VAC14: variants seen among roughly 807,000 people sequenced by gnomAD.
VAC14 encodes protein VAC14 homolog.
VAC14 carries 47 observed loss-of-function variants against 85.3 expected under a neutral mutation model. That is an observed-to-expected ratio of 0.55 (90% CI 0.44 to 0.70). The LOEUF (loss-of-function observed/expected upper bound fraction) is 0.70. Ranked by LOEUF, VAC14 falls within the 30% of genes least tolerant of loss-of-function variation. The pLI is 0.00. For synonymous variants in VAC14, 447 were observed against 430.5 expected (o/e 1.04, Z -0.47); for missense variants, 861 against 1,004.3 (o/e 0.86, Z 1.93).
chr16:70,788,881 CA>C (rs978354472), intron 1 of VAC14, among the ~76,000 whole-genome samples: 2 of 152,248 alleles, frequency 1.3e-5, no homozygotes, highest in African/African-American at 4.8e-5. Context: ...AGGGTGCCCA[CA>C]AATCTGGAAC....
intron 12 of VAC14, chr16:70,755,232 G>C (rs373973204): frequency 5.8e-6 from 2 of 344,056 alleles, no homozygotes; most frequent in Non-Finnish European, 1.2e-5. Context: ...GCCCTGGAGG[G>C]GGGCTAGGGG....
chr16:70,690,690 G>C, intron 18 of VAC14: 1 of 985,744 alleles, frequency 1.0e-6, no homozygotes. Flanking sequence ...CTGTCTGCCA[G>C]CTGTCTGCCC....
At chr16:70,757,268 G>A (rs1420273093) in intron 12 of VAC14, among the ~76,000 whole-genome samples, 1 of 152,214 alleles carries the variant, frequency 6.6e-6, no homozygotes, top group African/African-American at 2.4e-5. Context: ...TTGTGGCTGT[G>A]GAGGCTCCAA....
At chr16:70,696,672 G>A (rs913485380) in intron 16 of VAC14, among the ~76,000 whole-genome samples, 1 of 152,084 alleles carries the variant, frequency 6.6e-6, no homozygotes, top group African/African-American at 2.4e-5. Flanking sequence ...GAAGGCCCAC[G>A]CCTGGGCTGA....
rs190527371 is a variant in VAC14, at chr16:70,791,806, G to A, written c.105-5441C>T. The stretch of plus-strand genomic sequence containing the variant: ...TAGGTGGGGAAACACTTGTCAAGAC[G>A]GGCAGGGGTGACAGGCAGCTTGAGC... On this transcript the variant is annotated intron_variant, in intron 1 of 18. Coordinates refer to ENST00000261776, the MANE Select transcript of VAC14 (RefSeq NM_018052.5). Among the ~76,000 whole-genome samples, 456 of 152,326 alleles carry A rather than the reference G, an allele frequency of 3.0e-3. 3 individuals carry two copies. Among genetic ancestry groups the A allele is most frequent in the Middle Eastern group, 0.014 (4 of 294 alleles).
chr16:70,761,865 G>A (rs986886967), intron 12 of VAC14, among the ~76,000 whole-genome samples: 1 of 152,214 alleles, frequency 6.6e-6, no homozygotes, highest in Non-Finnish European at 1.5e-5. Context: ...CAGGGGCCCG[G>A]CCCAGTGCTT....
intron 12 of VAC14, among the ~76,000 whole-genome samples, chr16:70,749,685 G>C (rs16970481): frequency 0.069 from 10,463 of 152,304 alleles, 1,176 homozygotes; most frequent in African/African-American, 0.23. Flanking sequence ...CACCAAGATG[G>C]AGGGCAAGGA....
At chr16:70,694,934 C>T (rs928828400) in intron 17 of VAC14, among the ~76,000 whole-genome samples, 6 of 152,154 alleles carry the variant, frequency 3.9e-5, no homozygotes, top group African/African-American at 1.4e-4. Context: ...GCAGCAGACC[C>T]GGAGGGGTGG....
At position 70,767,237 on chromosome 16, in the gene VAC14, T is replaced by C. The variant is rs189474783; in HGVS notation, c.1161-4212A>G. ...TGAATAATGCTTCTGATATTACCAA[T>C]AAATAATAATAAGTTCCAGTTGTTC... On this transcript the variant is annotated intron_variant, in intron 10 of 18. Transcript: ENST00000261776. Among the ~76,000 whole-genome samples, 4 of 152,352 alleles carry C rather than the reference T, an allele frequency of 2.6e-5. No individual in the cohort carries two copies. In the East Asian group the frequency reaches 7.7e-4, roughly 29 times the overall value.
intron 13 of VAC14, among the ~76,000 whole-genome samples, chr16:70,733,604 A>T (rs900624995): frequency 2.8e-4 from 42 of 152,004 alleles, no homozygotes; most frequent in African/African-American, 9.4e-4. Flanking sequence ...AGTTCTGCTG[A>T]GATCTGGCTG....
intron 1 of VAC14, among the ~76,000 whole-genome samples, chr16:70,787,642 G>A (rs1317953347): frequency 6.6e-6 from 1 of 152,232 alleles, no homozygotes; most frequent in Non-Finnish European, 1.5e-5. Flanking sequence ...ATGGAGGAGA[G>A]GCAGCTGGGG....
intron 18 of VAC14, chr16:70,688,585 G>C (rs559459146): frequency 5.4e-5 from 53 of 985,706 alleles, no homozygotes; most frequent in Non-Finnish European, 2.8e-5. Flanking sequence ...TTGTTTTTGA[G>C]TGTTGGGGCC....
chr16:70,692,779 C>G (rs1191692681), intron 18 of VAC14, 42 bp downstream of exon 18: 1 of 1,574,680 alleles, frequency 6.4e-7, no homozygotes. Context: ...GGGCCTGTCC[C>G]TGCTCAGGGG....
At chr16:70,727,096 A>G (rs2054451072) in intron 14 of VAC14, among the ~76,000 whole-genome samples, 1 of 152,256 alleles carries the variant, frequency 6.6e-6, no homozygotes, top group South Asian at 2.1e-4. Context: ...GTCTTTCTAT[A>G]GCAGCCGCTC....
chr16:70,723,149 G>T (rs201781536), intron 14 of VAC14, among the ~76,000 whole-genome samples: 5 of 152,084 alleles, frequency 3.3e-5, no homozygotes, highest in South Asian at 2.1e-4. Flanking sequence ...TTGAACCCGG[G>T]GGGTGGAGGT....
In VAC14 at chr16:70,784,202, T is replaced by G. The variant is rs770921977; in HGVS notation, c.505A>C (p.Asn169His). Residue 169 changes from asparagine to histidine, a missense_variant, in exon 5 of 19, where the codon AAC becomes CAC. Physicochemically the swap from Asn to His is moderately conservative, Grantham distance 68. Around this residue, in one of 3 missense-constraint regions of VAC14, gnomAD observed 629 missense variants for 703.1 expected, o/e 0.89. Coordinates refer to ENST00000261776, the MANE Select transcript of VAC14 (RefSeq NM_018052.5). ...RLLKDIVTES[N>H]KFDLVSFIPL... ...ATGAAGCTCACCAGGTCAAACTTGT[T>G]GCTCTCAGTCACAATGTCCTGTGGA... The G allele has an allele frequency of 6.2e-7, 1 of 1,614,196 alleles. No individual in the cohort carries two copies. The highest frequency in any genetic ancestry group is 8.5e-7 in the Non-Finnish European group (1 of 1,180,034).
At chr16:70,704,543 G>A (rs1326586098) in intron 14 of VAC14, among the ~76,000 whole-genome samples, 1 of 152,222 alleles carries the variant, frequency 6.6e-6, no homozygotes, top group Non-Finnish European at 1.5e-5. Flanking sequence ...TGCAAACACT[G>A]CTGTCTGAGG....
chr16:70,762,797 A>G lies in VAC14; in HGVS notation c.1305+84T>C. On this transcript the variant is annotated intron_variant, in intron 11 of 18. Transcript: ENST00000261776. This position sits in a 1 kb window ranked among gnomAD's most constrained non-coding sequence, Gnocchi z 4.1. The stretch of plus-strand genomic sequence containing the variant: ...GGGTTTCCCTAGAAGGGCAATGACC[A>G]AAATGCTACCAACTATGGGCAGGCC... The G allele has an allele frequency of 6.3e-7, 1 of 1,598,566 alleles. No homozygotes were observed. Among genetic ancestry groups the G allele is most frequent in the Non-Finnish European group, 8.5e-7 (1 of 1,170,854 alleles).
chr16:70,704,984 A>C (rs2053895006), intron 14 of VAC14, among the ~76,000 whole-genome samples: 1 of 152,226 alleles, frequency 6.6e-6, no homozygotes, highest in Admixed American at 6.5e-5. Flanking sequence ...CGAAGTGACC[A>C]AGGCCAGAAA....
Sources: gnomAD v4.1 joint callset for allele counts (sites outside exome capture counted in the v4.1 genomes callset) on GRCh38, gnomAD v4.1.1 for gene constraint, gnomAD v4.1.1 regional missense constraint, Gnocchi (gnomAD v3.1) non-coding constraint, MANE v1.5 for transcripts, NCBI Gene and HGNC (gene_info 2026-07-23, HGNC 2026-07-21) for gene names.